RAB3B: variants seen among roughly 807,000 people sequenced by gnomAD.
The protein encoded by RAB3B is RAB3B, member RAS oncogene family.
A neutral mutation model predicts 20.5 loss-of-function variants in RAB3B; 11 were observed. The observed-to-expected ratio is 0.54, with a 90% CI of 0.34 to 0.89. The LOEUF is 0.89. Ranked by LOEUF, RAB3B falls within the 40% of genes least tolerant of loss-of-function variation. The pLI is 0.02. For synonymous variants in RAB3B, 99 were observed against 106.3 expected (o/e 0.93, Z 0.42); for missense variants, 225 against 280.9 (o/e 0.80, Z 1.42).
chr1:51,949,060 G>A (rs906855778), intron 2 of RAB3B, among the ~76,000 whole-genome samples: 6 of 152,194 alleles, frequency 3.9e-5, no homozygotes, highest in Non-Finnish European at 7.3e-5. Flanking sequence ...CTACAAGATG[G>A]AGTCCAAGCT....
At chr1:51,977,458 C>A (rs889493243) in intron 1 of RAB3B, among the ~76,000 whole-genome samples, 4 of 152,148 alleles carry the variant, frequency 2.6e-5, no homozygotes, top group African/African-American at 9.7e-5. Flanking sequence ...TGGGTCAACA[C>A]AGAGTAACAA....
chr1:51,928,663 C>T (rs1684280992), intron 4 of RAB3B, among the ~76,000 whole-genome samples: 2 of 152,188 alleles, frequency 1.3e-5, no homozygotes, highest in African/African-American at 2.4e-5. Flanking sequence ...AAATTCTTAA[C>T]GTGGTCTACA....
Position 51,937,237 on chromosome 1 carries a change from CAT to C in RAB3B, c.347+55_347+56del, listed in dbSNP as rs1001122307. 106 of 1,334,108 alleles carry C rather than the reference CAT, an allele frequency of 7.9e-5. No individual in the cohort carries two copies. In the African/African-American group the frequency reaches 1.1e-3, roughly 13 times the overall value. The allele number at this position is 1,334,108 out of a possible 1,614,324, so 82.6% of individuals were successfully genotyped here. The stretch of plus-strand genomic sequence containing the variant: ...CCAGCACACAATACAGGACCTAGCA[CAT>C]GTTAGGTTTTAATGAACAGTTTGTT... On this transcript the variant is annotated intron_variant, in intron 3 of 4. Transcript: ENST00000371655.
At chr1:51,957,046 T>C (rs1684716523) in intron 2 of RAB3B, among the ~76,000 whole-genome samples, 1 of 152,084 alleles carries the variant, frequency 6.6e-6, no homozygotes, top group Non-Finnish European at 1.5e-5. Flanking sequence ...TAGTGGTTTT[T>C]ATGTAAAGTC....
chr1:51,982,078 G>A (rs904890284), intron 1 of RAB3B, among the ~76,000 whole-genome samples: 2 of 152,128 alleles, frequency 1.3e-5, no homozygotes, highest in African/African-American at 4.8e-5. Context: ...CATAAGAGAT[G>A]ACAGCTCCAT....
chr1:51,990,173 C>A, intron 1 of RAB3B, among the ~76,000 whole-genome samples: 1 of 121,466 alleles, frequency 8.2e-6, no homozygotes. Flanking sequence ...CTCGGCTGCC[C>A]GGTACCACCT....
At chr1:51,951,310 A>G (rs1684638300) in intron 2 of RAB3B, among the ~76,000 whole-genome samples, 1 of 152,166 alleles carries the variant, frequency 6.6e-6, no homozygotes, top group South Asian at 2.1e-4. Flanking sequence ...CAATGCAGAC[A>G]TTTTAGAACC....
At chr1:51,964,623 C>G (rs1684823695) in intron 2 of RAB3B, among the ~76,000 whole-genome samples, 1 of 152,162 alleles carries the variant, frequency 6.6e-6, no homozygotes, top group African/African-American at 2.4e-5. Flanking sequence ...CCTGTTCTTC[C>G]TGCAGTCTTC....
intron 4 of RAB3B, among the ~76,000 whole-genome samples, chr1:51,921,405 C>T (rs929284402): frequency 6.6e-6 from 1 of 152,186 alleles, no homozygotes; most frequent in Non-Finnish European, 1.5e-5. Context: ...GCATAACTCA[C>T]ACAAAGTCAT....
At chr1:51,968,878 C>T (rs982247852) in intron 2 of RAB3B, among the ~76,000 whole-genome samples, 6 of 152,218 alleles carry the variant, frequency 3.9e-5, no homozygotes, top group African/African-American at 1.4e-4. Flanking sequence ...TTACTCACAT[C>T]ACTGTGGAAT....
At chr1:51,974,159 G>T (rs1376442497) in intron 2 of RAB3B, among the ~76,000 whole-genome samples, 4 of 152,132 alleles carry the variant, frequency 2.6e-5, no homozygotes, top group Admixed American at 2.0e-4. Flanking sequence ...TTACTGTATT[G>T]CTCACCATGC....
Position 51,912,716 on chromosome 1 carries a change from C to T in RAB3B, c.*7211G>A, listed in dbSNP as rs1419280739. 1 of 150,082 alleles carries T rather than the reference C, an allele frequency of 6.7e-6. No homozygotes were observed. The highest frequency in any genetic ancestry group is 1.5e-5 in the Non-Finnish European group (1 of 67,662). The allele number at this position is 150,082 out of a possible 1,614,324, so 9.3% of individuals were successfully genotyped here. A position where few individuals can be genotyped will look rare whatever the true frequency, so the allele number is the denominator to read the frequency against. ...GGCAGAAAACAATGGTGGCCTGGAC[C>T]AAGGTCATGCCAATGAAAATGGAGA... On this transcript the variant is annotated 3_prime_UTR_variant, in exon 5 of 5. Coordinates refer to ENST00000371655, the MANE Select transcript of RAB3B (RefSeq NM_002867.4).
At chr1:51,971,330 C>T (rs558530388) in intron 2 of RAB3B, among the ~76,000 whole-genome samples, 37 of 152,194 alleles carry the variant, frequency 2.4e-4, no homozygotes, top group African/African-American at 8.4e-4. Flanking sequence ...AAAGCAGTCT[C>T]CCCCTATCCT....
chr1:51,957,300 T>C (rs1375635413), intron 2 of RAB3B, among the ~76,000 whole-genome samples: 1 of 152,148 alleles, frequency 6.6e-6, no homozygotes, highest in Admixed American at 6.6e-5. Context: ...CCCACTTCTG[T>C]CCTTATCACA....
At chr1:51,989,330 C>G (rs1232950928) in intron 1 of RAB3B, among the ~76,000 whole-genome samples, 3 of 151,338 alleles carry the variant, frequency 2.0e-5, no homozygotes, top group African/African-American at 7.3e-5. Flanking sequence ...CTGCCCTCCC[C>G]AAAGTTGCTT....
At chr1:51,948,866 C>T (rs924840308) in intron 2 of RAB3B, among the ~76,000 whole-genome samples, 1 of 152,230 alleles carries the variant, frequency 6.6e-6, no homozygotes, top group Admixed American at 6.5e-5. Context: ...GTTTTGCTTA[C>T]TATTGCATCT....
chr1:51,982,832 A>C (rs763289394), intron 1 of RAB3B, among the ~76,000 whole-genome samples: 10 of 152,124 alleles, frequency 6.6e-5, no homozygotes, highest in Admixed American at 3.3e-4. Flanking sequence ...AAGGTTTAAA[A>C]GTTATAGTAA....
rs1319953008 is a variant in RAB3B at position 51,915,383 on chromosome 1, TAGG to T, written c.*4541_*4543del. 6.6e-6 allele frequency: 1 copy of T among 152,146 alleles called. No individual in the cohort carries two copies. The highest frequency in any genetic ancestry group is 1.9e-4 in the East Asian group (1 of 5,192). The allele number at this position is 152,146 out of a possible 1,614,324, so 9.4% of individuals were successfully genotyped here. A position where few individuals can be genotyped will look rare whatever the true frequency, so the allele number is the denominator to read the frequency against. Reference sequence around the variant, plus strand: ...ATCACTGTGATACTCTCAGAATAATTAGGAGATTTCCTTCCATTCTTTGGATGT... The same window carrying T: ...ATCACTGTGATACTCTCAGAATAATTAGATTTCCTTCCATTCTTTGGATGT... On this transcript the variant is annotated 3_prime_UTR_variant, in exon 5 of 5. Coordinates refer to ENST00000371655, the MANE Select transcript of RAB3B (RefSeq NM_002867.4).
At chr1:51,971,819 A>G (rs1418228183) in intron 2 of RAB3B, among the ~76,000 whole-genome samples, 2 of 152,268 alleles carry the variant, frequency 1.3e-5, no homozygotes, top group African/African-American at 4.8e-5. Flanking sequence ...TGCTGGATAA[A>G]GGGATCATTC....
Sources: gnomAD v4.1 joint callset for allele counts (sites outside exome capture counted in the v4.1 genomes callset) on GRCh38, gnomAD v4.1.1 for gene constraint, MANE v1.5 for transcripts, NCBI Gene and HGNC (gene_info 2026-07-23, HGNC 2026-07-21) for gene names.